Variants in ADAMTS20 observed in about 807,000 individuals in gnomAD.
ADAMTS20 encodes ADAM metallopeptidase with thrombospondin type 1 motif 20.
In ADAMTS20, 225 loss-of-function variants were observed where a neutral mutation model predicts 260.1. The observed-to-expected ratio is 0.87, with a 90% CI of 0.78 to 0.97. The LOEUF (loss-of-function observed/expected upper bound fraction) is 0.97. Ranked by LOEUF, ADAMTS20 falls within the 50% of genes least tolerant of loss-of-function variation. The pLI, the probability that ADAMTS20 is intolerant of heterozygous loss-of-function variation, is 0.00. For missense variants in ADAMTS20, 2,400 were observed against 2,337.7 expected, an observed-to-expected ratio of 1.03 and a Z score of -0.55; for synonymous variants, 802 against 769.5, an observed-to-expected ratio of 1.04 and a Z score of -0.70.
At chr12:43,462,801 T>G in intron 11 of ADAMTS20, 94 bp downstream of exon 11, 1 of 983,784 alleles carries the variant, frequency 1.0e-6, no homozygotes, top group South Asian at 1.6e-5. Flanking sequence ...TGAAGAAAAG[T>G]TGACAGCAAA....
At chr12:43,547,510 A>T (rs369407518) in intron 2 of ADAMTS20, among the ~76,000 whole-genome samples, 1 of 152,114 alleles carries the variant, frequency 6.6e-6, no homozygotes, top group Non-Finnish European at 1.5e-5. Context: ...ACTATGTGGG[A>T]CTCAAGGAAG....
At chr12:43,511,877 AC>A (rs1420606738) in intron 3 of ADAMTS20, among the ~76,000 whole-genome samples, 2 of 152,142 alleles carry the variant, frequency 1.3e-5, no homozygotes, top group East Asian at 3.8e-4. Flanking sequence ...ATCTCAAACA[AC>A]TTGCTGAATG....
intron 14 of ADAMTS20, among the ~76,000 whole-genome samples, chr12:43,448,868 C>A (rs758177931): frequency 6.6e-6 from 1 of 151,830 alleles, no homozygotes; most frequent in Non-Finnish European, 1.5e-5. Flanking sequence ...TACATGCAGC[C>A]AACAAGCCTA....
chr12:43,386,001 T>G (rs139436476), intron 29 of ADAMTS20, among the ~76,000 whole-genome samples: 1 of 152,176 alleles, frequency 6.6e-6, no homozygotes, highest in Non-Finnish European at 1.5e-5. Context: ...AGTGGTGATA[T>G]CTCCTTTATC....
chr12:43,369,296 G>A lies in ADAMTS20; in HGVS notation c.5532C>T (p.Cys1844=). The change falls in exon 37 of 39, where the codon TGC becomes TGT. Residue 1844 remains cysteine, a synonymous_variant. Transcript: ENST00000389420. ...TCAAACAAATATGAAATACCTGTGGGCATCTGAAAGCACTGTAGCAATCTC... is the reference window on the plus strand; with the variant it reads ...TCAAACAAATATGAAATACCTGTGGACATCTGAAAGCACTGTAGCAATCTC... ...TAGDCYSAFR[C]PQGQFSINLS... is the part of the protein sequence containing the mutation. 1 of 1,511,048 alleles carries A rather than the reference G, an allele frequency of 6.6e-7. No individual in the cohort carries two copies. The highest frequency in any genetic ancestry group is 1.4e-5 in the South Asian group (1 of 72,484). The allele number at this position is 1,511,048 out of a possible 1,614,324, so 93.6% of individuals were successfully genotyped here. A position where few individuals can be genotyped will look rare whatever the true frequency, so the allele number is the denominator to read the frequency against.
At chr12:43,500,422 CA>C (rs1942742035) in intron 4 of ADAMTS20, among the ~76,000 whole-genome samples, 1 of 152,140 alleles carries the variant, frequency 6.6e-6, no homozygotes, top group South Asian at 2.1e-4. Context: ...TTGTACATAT[CA>C]ACTGACATCC....
At chr12:43,366,725 A>C (rs1275911964) in intron 37 of ADAMTS20, among the ~76,000 whole-genome samples, 1 of 151,902 alleles carries the variant, frequency 6.6e-6, no homozygotes, top group African/African-American at 2.4e-5. Flanking sequence ...AGACCTAACT[A>C]TAGATAATAG....
intron 29 of ADAMTS20, among the ~76,000 whole-genome samples, chr12:43,390,439 C>T (rs890283306): frequency 1.3e-4 from 20 of 152,116 alleles, no homozygotes; most frequent in African/African-American, 4.6e-4. Flanking sequence ...GTTCTGCTTT[C>T]TTTTTTATTA....
rs753727775 is a variant in ADAMTS20 at position 43,502,156 on chromosome 12, G to C, written c.863C>G (p.Ser288Ter). 1.3e-6 allele frequency: 2 copies of C among 1,552,188 alleles called. No individual in the cohort carries two copies. The highest frequency in any genetic ancestry group is 1.7e-6 in the Non-Finnish European group (2 of 1,158,438). The change falls in exon 4 of 39, where the codon TCA (serine) becomes TGA (stop). Residue 288 changes from serine (S) to a stop codon, truncating the protein, a stop_gained. Transcript: ENST00000389420. LOFTEE classifies it high-confidence loss of function. ...NLQNYILTLM[S>*]IVATIYKDPS... is the part of the protein sequence containing the mutation. ...AGTCATATTAAGTTTACTTACAATT[G>C]ACATTAGAGTCAGTATATAGTTTTG... is the stretch of plus-strand genomic sequence containing the variant.
intron 29 of ADAMTS20, among the ~76,000 whole-genome samples, chr12:43,395,182 T>A (rs993824991): frequency 1.3e-5 from 2 of 152,130 alleles, no homozygotes; most frequent in African/African-American, 4.8e-5. Flanking sequence ...TAACCAGCGC[T>A]GGAAGCAGGA....
At chr12:43,484,540 A>G (rs1292610627) in intron 7 of ADAMTS20, among the ~76,000 whole-genome samples, 1 of 152,184 alleles carries the variant, frequency 6.6e-6, no homozygotes, top group Non-Finnish European at 1.5e-5. Flanking sequence ...ATGCAGTGCA[A>G]ATTTTAACAA....
At chr12:43,485,927 A>G (rs1310493461) in intron 7 of ADAMTS20, among the ~76,000 whole-genome samples, 1 of 152,064 alleles carries the variant, frequency 6.6e-6, no homozygotes, top group Non-Finnish European at 1.5e-5. Context: ...ACATAGATGA[A>G]TAATAAATGA....
chr12:43,355,557 A>C (rs1239469183), intron 38 of ADAMTS20, among the ~76,000 whole-genome samples: 2 of 152,188 alleles, frequency 1.3e-5, no homozygotes, highest in African/African-American at 4.8e-5. Context: ...TTCATTTATG[A>C]GAAATATTTA....
Position 43,466,987 on chromosome 12 carries a change from T to TA in ADAMTS20, c.1224-193dup, listed in dbSNP as rs1447163636. Among the ~76,000 whole-genome samples the TA allele has an allele frequency of 1.4e-5, 2 of 147,290 alleles. 1 individual carries two copies. Among genetic ancestry groups the TA allele is most frequent in the Admixed American group, 1.4e-4 (2 of 14,618 alleles). ...GAAGTACCTGATGACTGAGAAATAT[T>TA]ATAGGCTGGTGATCTGGCATCTGAA... On this transcript the variant is annotated intron_variant, in intron 8 of 38. Coordinates refer to ENST00000389420, the MANE Select transcript of ADAMTS20 (RefSeq NM_025003.5).
chr12:43,456,714 T>C (rs1033526870), intron 11 of ADAMTS20, among the ~76,000 whole-genome samples: 3 of 152,156 alleles, frequency 2.0e-5, no homozygotes, highest in African/African-American at 7.2e-5. Context: ...TAGACCCTAC[T>C]GCTGTGTCAT....
At chr12:43,409,628 A>AAAAAAAAC (rs1940994048) in intron 28 of ADAMTS20, among the ~76,000 whole-genome samples, 1 of 141,838 alleles carries the variant, frequency 7.1e-6, no homozygotes, top group African/African-American at 2.6e-5. Flanking sequence ...AAAAAAAAAA[A>AAAAAAAAC]AACAAGAAAA....
chr12:43,516,424 A>T (rs1943001228), intron 3 of ADAMTS20, among the ~76,000 whole-genome samples: 1 of 152,218 alleles, frequency 6.6e-6, no homozygotes, highest in Non-Finnish European at 1.5e-5. Flanking sequence ...GCTCTCTACT[A>T]GAGCCAAAGA....
At chr12:43,485,858 CTT>C (rs1287801628) in intron 7 of ADAMTS20, among the ~76,000 whole-genome samples, 1 of 152,022 alleles carries the variant, frequency 6.6e-6, no homozygotes, top group Non-Finnish European at 1.5e-5. Flanking sequence ...TAGGAATACA[CTT>C]AACCAAGGAG....
chr12:43,375,977 G>A (rs1940216801), intron 35 of ADAMTS20, 80 bp downstream of exon 35: 1 of 1,035,992 alleles, frequency 9.7e-7, no homozygotes, highest in Non-Finnish European at 1.4e-6. Context: ...AGCTATTCAA[G>A]TATCACTCTG....
Sources: allele counts gnomAD v4.1 joint callset (sites outside exome capture counted in the v4.1 genomes callset), GRCh38; gene constraint gnomAD v4.1.1; transcripts MANE v1.5; gene names NCBI Gene and HGNC (gene_info 2026-07-23, HGNC 2026-07-21).